MAP3K10: variants seen among roughly 807,000 people sequenced by gnomAD.
The protein encoded by MAP3K10 is MKN28 derived nonreceptor_type serine/threonine kinase.
A neutral mutation model predicts 75.0 loss-of-function variants in MAP3K10; 22 were observed. That is an observed-to-expected ratio of 0.29 (90% confidence interval 0.21 to 0.42). The LOEUF (loss-of-function observed/expected upper bound fraction) is 0.42. Ranked by LOEUF, MAP3K10 falls within the 10% of genes least tolerant of loss-of-function variation. The pLI, the probability that MAP3K10 is intolerant of heterozygous loss-of-function variation, is 1.00. For synonymous variants in MAP3K10, 599 were observed against 612.9 expected (o/e 0.98, Z 0.34); for missense variants, 1,165 against 1,379.8 (o/e 0.84, Z 2.47).
Position 40,213,374 on chromosome 19 carries a change from T to C in MAP3K10, c.1838-143T>C. 1 of 1,464,340 alleles carries C rather than the reference T, an allele frequency of 6.8e-7. No homozygotes were observed. The highest frequency in any genetic ancestry group is 2.4e-5 in the Admixed American group (1 of 41,792). The allele number at this position is 1,464,340 out of a possible 1,614,324, so 90.7% of individuals were successfully genotyped here. ...GGCAGGGACCACCCTTCTCTGAGGC[T>C]TCTCCTGGAGACAGATTCAAGAACG... is the stretch of plus-strand genomic sequence containing the variant. On this transcript the variant is annotated intron_variant, in intron 8 of 9. Transcript: ENST00000253055. The surrounding 1 kb of genome is among the most constrained non-coding windows in gnomAD (Gnocchi z 5.7).
Position 40,215,502 on chromosome 19 carries a change from A to G in MAP3K10, c.*210A>G, listed in dbSNP as rs1222461193. ...ACCCTGCACTGGGGGGAGGGTGGGC[A>G]GGGATACTCAGGGACAGGGCATCAT... is the stretch of plus-strand genomic sequence containing the variant. On this transcript the variant is annotated 3_prime_UTR_variant, in exon 10 of 10. Coordinates refer to ENST00000253055, the MANE Select transcript of MAP3K10 (RefSeq NM_002446.4). 3.5e-6 allele frequency: 2 copies of G among 569,040 alleles called. No individual in the cohort carries two copies. The highest frequency in any genetic ancestry group is 3.1e-6 in the Non-Finnish European group (1 of 320,012). 35.2% of individuals were successfully genotyped at this position (569,040 alleles called of 1,614,324 possible). A position where few individuals can be genotyped will look rare whatever the true frequency, so the allele number is the denominator to read the frequency against.
Position 40,192,023 on chromosome 19 carries a change from C to T in MAP3K10, c.-9C>T. ...GAAGCGGCCTCCCGCAGCCCCCGGC[C>T]CCTCCCCCATGGAGGAGGAGGAGGG... On this transcript the variant is annotated 5_prime_UTR_variant, in exon 1 of 10. Transcript: ENST00000253055. This position sits in a 1 kb window ranked among gnomAD's most constrained non-coding sequence, Gnocchi z 7.1. 3 of 1,410,248 alleles carry T rather than the reference C, an allele frequency of 2.1e-6. No homozygotes were observed. The highest frequency in any genetic ancestry group is 2.8e-6 in the Non-Finnish European group (3 of 1,085,250). 87.4% of individuals were successfully genotyped at this position (1,410,248 alleles called of 1,614,324 possible).
intron 5 of MAP3K10, chr19:40,206,402 CA>C (rs74915410): frequency 0.085 from 26,027 of 305,544 alleles, no homozygotes; most frequent in East Asian, 0.11. Flanking sequence ...CCATATTTAC[CA>C]AAAAAAAAAA....
chr19:40,201,323 C>A (rs927494348), intron 2 of MAP3K10, among the ~76,000 whole-genome samples: 1 of 151,178 alleles, frequency 6.6e-6, no homozygotes, highest in Non-Finnish European at 1.5e-5. Context: ...CAGGCACATG[C>A]CACCAGGCCC....
Position 40,209,113 on chromosome 19 carries a change from T to C in MAP3K10, c.1446T>C (p.His482=), listed in dbSNP as rs1973187203. The part of the protein sequence containing the change: ...SHISLPSGFE[H]KITVQASPTL... ...TCTTTCTTTCTGCAGGCTTTGAGCA[T>C]AAGATCACAGTCCAGGCCTCTCCAA... The change falls in exon 6 of 10, where the codon CAT becomes CAC. Residue 482 remains histidine (H), a synonymous_variant. Coordinates refer to ENST00000253055, the MANE Select transcript of MAP3K10 (RefSeq NM_002446.4). The C allele has an allele frequency of 1.2e-6, 2 of 1,613,632 alleles. No individual in the cohort carries two copies. The highest frequency in any genetic ancestry group is 1.7e-6 in the Non-Finnish European group (2 of 1,179,496).
At position 40,214,007 on chromosome 19, in the gene MAP3K10, A is replaced by ACCCCCCCCCCCCCCCCCCCCCCCC; in HGVS notation, c.2330_2331insCCCCCCCCCCCCCCCCCCCCCCCC (p.Pro778_Ser779insProProProProProProProPro). Reference sequence around the variant, plus strand: ...AGGCCGCACCGGCCGCGCCCTCCCCACCACCCTCCCCGCCCGCGCCCACAC... The same window carrying ACCCCCCCCCCCCCCCCCCCCCCCC: ...AGGCCGCACCGGCCGCGCCCTCCCCACCCCCCCCCCCCCCCCCCCCCCCCCCACCCTCCCCGCCCGCGCCCACAC... On this transcript the variant is annotated inframe_insertion, in exon 9 of 10. Transcript: ENST00000253055. 1.9e-6 allele frequency: 1 copy of ACCCCCCCCCCCCCCCCCCCCCCCC among 512,954 alleles called. No individual in the cohort carries two copies. The highest frequency in any genetic ancestry group is 2.7e-6 in the Non-Finnish European group (1 of 369,906). 31.8% of individuals were successfully genotyped at this position (512,954 alleles called of 1,614,324 possible). A position where few individuals can be genotyped will look rare whatever the true frequency, so the allele number is the denominator to read the frequency against.
Position 40,209,163 on chromosome 19 carries a change from A to G in MAP3K10, c.1496A>G (p.Asp499Gly). 1 of 1,614,232 alleles carries G rather than the reference A, an allele frequency of 6.2e-7. No homozygotes were observed. Among genetic ancestry groups the G allele is most frequent in the Non-Finnish European group, 8.5e-7 (1 of 1,180,028 alleles). Residue 499 changes from aspartate to glycine, a missense_variant, in exon 6 of 10, where the codon GAT becomes GGT. Physicochemically the swap from Asp to Gly is moderately conservative, Grantham distance 94. Transcript: ENST00000253055. ...SPTLDKRKGS[D>G]GASPPASPSI... ...ACTCTGGATAAGCGGAAAGGATCCGATGGGGCCAGCCCCCCTGCAAGCCCC... is the reference window on the plus strand; with the variant it reads ...ACTCTGGATAAGCGGAAAGGATCCGGTGGGGCCAGCCCCCCTGCAAGCCCC...
chr19:40,208,200 C>G (rs1973158230), intron 5 of MAP3K10, among the ~76,000 whole-genome samples: 2 of 151,652 alleles, frequency 1.3e-5, no homozygotes, highest in Non-Finnish European at 2.9e-5. Context: ...GAGATGGAGC[C>G]TCGCTCTGTC....
At chr19:40,195,187 G>A (rs1297080176) in intron 1 of MAP3K10, among the ~76,000 whole-genome samples, 2 of 152,158 alleles carry the variant, frequency 1.3e-5, no homozygotes, top group African/African-American at 4.8e-5. Flanking sequence ...GGGCCATGGT[G>A]AGGACTTGGG....
chr19:40,214,002 T>TCCCC lies in MAP3K10; in HGVS notation c.2324_2327dup (p.Pro778ThrfsTer75). 1.0e-4 allele frequency: 151 copies of TCCCC among 1,493,474 alleles called. No individual in the cohort carries two copies. The highest frequency in any genetic ancestry group is 6.1e-4 in the East Asian group (23 of 37,758). The allele number at this position is 1,493,474 out of a possible 1,614,324, so 92.5% of individuals were successfully genotyped here. A position where few individuals can be genotyped will look rare whatever the true frequency, so the allele number is the denominator to read the frequency against. On this transcript the variant is annotated frameshift_variant, in exon 9 of 10. Transcript: ENST00000253055. LOFTEE classifies it high-confidence loss of function. ...TGACGAGGCCGCACCGGCCGCGCCCTCCCCACCACCCTCCCCGCCCGCGCC... is the reference window on the plus strand; with the variant it reads ...TGACGAGGCCGCACCGGCCGCGCCCTCCCCCCCCACCACCCTCCCCGCCCGCGCC...
In MAP3K10 at chr19:40,212,471, C is replaced by A. The variant is rs934526401; in HGVS notation, c.1553-334C>A. On this transcript the variant is annotated intron_variant, in intron 6 of 9. Transcript: ENST00000253055. This position sits in a 1 kb window ranked among gnomAD's most constrained non-coding sequence, Gnocchi z 4.2. ...GGTACAGAGATGAAGGCAGCTGACC[C>A]CCAGGGAACTAACTACCCAGAGCTG... Among the ~76,000 whole-genome samples the A allele has an allele frequency of 6.6e-6, 1 of 152,166 alleles. No individual in the cohort carries two copies. The highest frequency in any genetic ancestry group is 6.5e-5 in the Admixed American group (1 of 15,278).
Position 40,213,109 on chromosome 19 carries a change from G to C in MAP3K10, c.1758G>C (p.Trp586Cys), listed in dbSNP as rs1051251098. Residue 586 changes from tryptophan (W) to cysteine (C), a missense_variant, in exon 8 of 10, where the codon TGG becomes TGC. Trp to Cys is a radical substitution (Grantham distance 215, BLOSUM62 -2). Coordinates refer to ENST00000253055, the MANE Select transcript of MAP3K10 (RefSeq NM_002446.4). This position sits in a 1 kb window ranked among gnomAD's most constrained non-coding sequence, Gnocchi z 5.7. ...GGCTGGGGGAAGGAAGCAAACAGTGGTCATCAAGTGCCCCCAACCTGGGCA... is the reference window on the plus strand; with the variant it reads ...GGCTGGGGGAAGGAAGCAAACAGTGCTCATCAAGTGCCCCCAACCTGGGCA... The part of the protein sequence containing the change: ...LKGLGEGSKQ[W>C]SSSAPNLGKS... 6.2e-7 allele frequency: 1 copy of C among 1,605,356 alleles called. No homozygotes were observed. Among genetic ancestry groups the C allele is most frequent in the Non-Finnish European group, 8.5e-7 (1 of 1,176,844 alleles).
rs772647354 is a variant in MAP3K10, at chr19:40,205,079, C to T, written c.1013-42C>T. On this transcript the variant is annotated intron_variant, in intron 3 of 9. Coordinates refer to ENST00000253055, the MANE Select transcript of MAP3K10 (RefSeq NM_002446.4). The surrounding 1 kb of genome is among the most constrained non-coding windows in gnomAD (Gnocchi z 4.3). ...TGAGTCCCCAGAGCATGACCACTGACACCTCCATGCCCCACCACTGTCCTT... is the reference window on the plus strand; with the variant it reads ...TGAGTCCCCAGAGCATGACCACTGATACCTCCATGCCCCACCACTGTCCTT... The T allele has an allele frequency of 7.0e-6, 11 of 1,580,138 alleles. No homozygotes were observed. Among genetic ancestry groups the T allele is most frequent in the Non-Finnish European group, 9.5e-6 (11 of 1,151,906 alleles).
At chr19:40,199,503 T>G (rs112077199) in intron 2 of MAP3K10, among the ~76,000 whole-genome samples, 3 of 151,986 alleles carry the variant, frequency 2.0e-5, no homozygotes, top group African/African-American at 7.3e-5. Context: ...CACGAAAAGT[T>G]TGGAGGAAGA....
Position 40,215,146 on chromosome 19 carries a change from A to G in MAP3K10, c.2719A>G (p.Thr907Ala), listed in dbSNP as rs1973329076. 2 of 1,609,290 alleles carry G rather than the reference A, an allele frequency of 1.2e-6. No individual in the cohort carries two copies. Among genetic ancestry groups the G allele is most frequent in the African/African-American group, 2.7e-5 (2 of 74,672 alleles). The change falls in exon 10 of 10, where the codon ACA becomes GCA. Residue 907 changes from threonine (T) to alanine (A), a missense_variant. Transcript: ENST00000253055. ...CTGGAAACTGGTCTCCTTCGGCCGGACACTCACCATCTCGCCTCCCAGCAG... is the reference window on the plus strand; with the variant it reads ...CTGGAAACTGGTCTCCTTCGGCCGGGCACTCACCATCTCGCCTCCCAGCAG... ...DPWKLVSFGRTLTISPPSRPD... is the reference protein window; with the variant it reads ...DPWKLVSFGRALTISPPSRPD...
In MAP3K10 at chr19:40,210,700, CA is replaced by C. The variant is rs914352250; in HGVS notation, c.1552+1495del. Among the ~76,000 whole-genome samples, 1,117 of 133,654 alleles carry C rather than the reference CA, an allele frequency of 8.4e-3. 15 individuals carry two copies. Among genetic ancestry groups the C allele is most frequent in the African/African-American group, 0.026 (942 of 36,474 alleles). 87.7% of individuals were successfully genotyped at this position (133,654 alleles called of 152,430 possible). A position where few individuals can be genotyped will look rare whatever the true frequency, so the allele number is the denominator to read the frequency against. On this transcript the variant is annotated intron_variant, in intron 6 of 9. Coordinates refer to ENST00000253055, the MANE Select transcript of MAP3K10 (RefSeq NM_002446.4). The stretch of plus-strand genomic sequence containing the variant: ...TGGGCGACAGAGTGAGACTCAGTCT[CA>C]AAAAAAAAAAAAATTGTCCAAAGAC...
chr19:40,208,021 C>A (rs1973155078), intron 5 of MAP3K10, among the ~76,000 whole-genome samples: 1 of 151,872 alleles, frequency 6.6e-6, no homozygotes, highest in Non-Finnish European at 1.5e-5. Flanking sequence ...AGCTACTGTA[C>A]CTGACCCATC....
intron 6 of MAP3K10, among the ~76,000 whole-genome samples, chr19:40,211,041 T>A (rs1396439815): frequency 6.6e-6 from 1 of 152,204 alleles, no homozygotes; most frequent in Non-Finnish European, 1.5e-5. Context: ...ACAGAAGGGT[T>A]GCGATTTTCC....
Position 40,192,349 on chromosome 19 carries a change from G to A in MAP3K10, c.318G>A (p.Val106=), listed in dbSNP as rs1444485103. Residue 106 remains valine, a synonymous_variant, in exon 1 of 10, where the codon GTG becomes GTA. Transcript: ENST00000253055. The surrounding 1 kb of genome is among the most constrained non-coding windows in gnomAD (Gnocchi z 7.1). The part of the protein sequence containing the change: ...HELQLEEIIG[V]GGFGKVYRAL... ...TGCAGCTAGAGGAGATCATCGGTGT[G>A]GGGGGCTTTGGCAAGGTCTATCGGG... The A allele has an allele frequency of 6.2e-7, 1 of 1,613,310 alleles. No individual in the cohort carries two copies. The highest frequency in any genetic ancestry group is 1.3e-5 in the African/African-American group (1 of 75,042).
Sources: gnomAD v4.1 joint callset for allele counts (sites outside exome capture counted in the v4.1 genomes callset) on GRCh38, gnomAD v4.1.1 for gene constraint, Gnocchi (gnomAD v3.1) non-coding constraint, MANE v1.5 for transcripts, NCBI Gene and HGNC (gene_info 2026-07-23, HGNC 2026-07-21) for gene names.